TMEM98: variants seen among roughly 807,000 people sequenced by gnomAD.
TMEM98 encodes the protein transmembrane protein 98.
Under a neutral mutation model 25.0 loss-of-function variants are expected in TMEM98, and 18 were observed. The ratio of observed to expected loss-of-function variants is 0.72; its 90% confidence interval spans 0.50 to 1.07. TMEM98 has a LOEUF of 1.07. Among genes scored for constraint, TMEM98 ranks in the 50% least tolerant of loss-of-function variants. The pLI, the probability that TMEM98 is intolerant of heterozygous loss-of-function variation, is 0.00. For synonymous variants in TMEM98, 103 were observed against 112.4 expected (o/e 0.92, Z 0.53); for missense variants, 241 against 289.0 (o/e 0.83, Z 1.20).
chr17:32,934,147 A>C, intron 4 of TMEM98, 144 bp from the exon 5 acceptor site: 1 of 826,802 alleles, frequency 1.2e-6, no homozygotes, highest in Non-Finnish European at 2.0e-6. Flanking sequence ...GGGCTGGTTC[A>C]TGTTGACACT....
chr17:32,944,079 A>G lies in TMEM98; in HGVS notation c.*3086A>G, dbSNP rs1447371171. ...AATTCCCCCAGCTTGTGAGATCTCC[A>G]AGAGGGAACACGTATTCCTGGCATC... On this transcript the variant is annotated 3_prime_UTR_variant, in exon 8 of 8. Transcript: ENST00000579849. The G allele has an allele frequency of 2.0e-5, 3 of 152,294 alleles. No individual in the cohort carries two copies. Among genetic ancestry groups the G allele is most frequent in the East Asian group, 3.8e-4 (2 of 5,198 alleles). The allele number at this position is 152,294 out of a possible 1,614,324, so 9.4% of individuals were successfully genotyped here.
intron 6 of TMEM98, among the ~76,000 whole-genome samples, chr17:32,937,226 A>G (rs1007273791): frequency 1.1e-4 from 17 of 152,090 alleles, no homozygotes; most frequent in Middle Eastern, 3.4e-3. Flanking sequence ...TGCTGAAACA[A>G]TGGCACTGCT....
At chr17:32,933,372 C>T in intron 4 of TMEM98, 67 bp downstream of exon 4, 1 of 1,601,230 alleles carries the variant, frequency 6.2e-7, no homozygotes, top group Admixed American at 1.7e-5. Flanking sequence ...GTGTCCTTTG[C>T]CAGAGCACTT....
Position 32,931,622 on chromosome 17 carries a change from T to TGCCGGCCGCGAGACC in TMEM98, c.95_109dup (p.Asp36_Leu37insArgArgProArgAsp), listed in dbSNP as rs2091469955. 1.9e-6 allele frequency: 3 copies of TGCCGGCCGCGAGACC among 1,604,846 alleles called. No individual in the cohort carries two copies. The East Asian group carries it at 6.7e-5, about 36-fold the overall frequency. ...GGTGCTGGTTTGCAGGCAGCGCTAC[T>TGCCGGCCGCGAGACC]GCCGGCCGCGAGACCTGCTGCAGCG... On this transcript the variant is annotated inframe_insertion, in exon 3 of 8. Coordinates refer to ENST00000579849, the MANE Select transcript of TMEM98 (RefSeq NM_015544.3).
At position 32,939,671 on chromosome 17, in the gene TMEM98, C is replaced by G. The variant is rs1052486480; in HGVS notation, c.473+135C>G. 3.9e-6 allele frequency: 4 copies of G among 1,033,022 alleles called. No individual in the cohort carries two copies. In the African/African-American group the frequency reaches 4.8e-5, roughly 12 times the overall value. 64.0% of individuals were successfully genotyped at this position (1,033,022 alleles called of 1,614,324 possible). A position where few individuals can be genotyped will look rare whatever the true frequency, so the allele number is the denominator to read the frequency against. On this transcript the variant is annotated intron_variant, in intron 7 of 7. Transcript: ENST00000579849. ...GCCTCCTTAGGCTGCCCGGGCCATG[C>G]GTGCCATTTACTTCAGTGAGCGGCG...
At position 32,934,286 on chromosome 17, in the gene TMEM98, C is replaced by G. The variant is rs376636066; in HGVS notation, c.264-5C>G. ...AGCACTGATGACTTCTTCTTGTTTC[C>G]CCAGGGGTCTCATGTCCCACTGCAT... On this transcript the variant is annotated splice_region_variant and splice_polypyrimidine_tract_variant and intron_variant, in intron 4 of 7. Transcript: ENST00000579849. The G allele has an allele frequency of 5.0e-6, 8 of 1,613,966 alleles. No individual in the cohort carries two copies. The African/African-American group carries it at 9.3e-5, about 19-fold the overall frequency.
chr17:32,933,401 G>A (rs1399572943), intron 4 of TMEM98, 96 bp downstream of exon 4: 1 of 1,529,998 alleles, frequency 6.5e-7, no homozygotes, highest in Non-Finnish European at 8.9e-7. Context: ...TTCAAGAACA[G>A]TCACTCTGTT....
chr17:32,938,811 C>T (rs2091511563), intron 6 of TMEM98, among the ~76,000 whole-genome samples: 1 of 152,192 alleles, frequency 6.6e-6, no homozygotes, highest in African/African-American at 2.4e-5. Flanking sequence ...CTTCCCAACC[C>T]CACATTTCAG....
intron 7 of TMEM98, among the ~76,000 whole-genome samples, chr17:32,940,188 A>T (rs2091521166): frequency 6.6e-6 from 1 of 152,240 alleles, no homozygotes; most frequent in Non-Finnish European, 1.5e-5. Context: ...CCGTGGGTTA[A>T]TAATCTGTAA....
intron 7 of TMEM98, among the ~76,000 whole-genome samples, chr17:32,940,329 C>T (rs907441694): frequency 6.6e-6 from 1 of 152,106 alleles, no homozygotes; most frequent in South Asian, 2.1e-4. Context: ...TAAACCAGCC[C>T]TGGGCCTTAC....
intron 1 of TMEM98, among the ~76,000 whole-genome samples, chr17:32,928,759 C>G (rs553105541): frequency 3.3e-5 from 5 of 150,118 alleles, no homozygotes; most frequent in Non-Finnish European, 7.4e-5. Context: ...GTCACACACA[C>G]AAGCACACTA....
intron 5 of TMEM98, 69 bp from the exon 6 acceptor site, chr17:32,936,263 C>T (rs2091495565): frequency 3.9e-6 from 5 of 1,282,158 alleles, no homozygotes; most frequent in South Asian, 2.6e-5. Context: ...GCTGATTTGT[C>T]TCGTGGGGGT....
intron 6 of TMEM98, 89 bp from the exon 7 acceptor site, chr17:32,939,388 C>T (rs2091515548): frequency 7.1e-7 from 1 of 1,405,122 alleles, no homozygotes; most frequent in Non-Finnish European, 9.9e-7. Flanking sequence ...GCCTGGGTGA[C>T]AGAGCGAGAC....
At chr17:32,938,664 AT>A (rs935768470) in intron 6 of TMEM98, among the ~76,000 whole-genome samples, 3 of 151,316 alleles carry the variant, frequency 2.0e-5, no homozygotes, top group Admixed American at 1.3e-4. Context: ...TTAGCTTTGT[AT>A]TTTTTTTTCC....
chr17:32,931,639 G>T lies in TMEM98; in HGVS notation c.111G>T (p.Leu37=). 6.2e-7 allele frequency: 1 copy of T among 1,605,492 alleles called. No individual in the cohort carries two copies. ...CRQRYCRPRD[L]LQRYDSKPIV... ...AGCGCTACTGCCGGCCGCGAGACCTGCTGCAGCGCTATGATTCTAAGTGAG... is the reference window on the plus strand; with the variant it reads ...AGCGCTACTGCCGGCCGCGAGACCTTCTGCAGCGCTATGATTCTAAGTGAG... Residue 37 remains leucine, a synonymous_variant, in exon 3 of 8, where the codon CTG becomes CTT. Coordinates refer to ENST00000579849, the MANE Select transcript of TMEM98 (RefSeq NM_015544.3).
At chr17:32,936,541 A>G in intron 6 of TMEM98, 94 bp downstream of exon 6, 3 of 1,055,864 alleles carry the variant, frequency 2.8e-6, no homozygotes, top group Non-Finnish European at 4.2e-6. Context: ...CTTCTATAAA[A>G]TGGTGCACAG....
At position 32,941,216 on chromosome 17, in the gene TMEM98, C is replaced by A. The variant is rs1445805855; in HGVS notation, c.*223C>A. 2 of 454,044 alleles carry A rather than the reference C, an allele frequency of 4.4e-6. No individual in the cohort carries two copies. The highest frequency in any genetic ancestry group is 3.6e-5 in the South Asian group (1 of 27,616). The allele number at this position is 454,044 out of a possible 1,614,324, so 28.1% of individuals were successfully genotyped here. A position where few individuals can be genotyped will look rare whatever the true frequency, so the allele number is the denominator to read the frequency against. On this transcript the variant is annotated 3_prime_UTR_variant, in exon 8 of 8. Transcript: ENST00000579849. The stretch of plus-strand genomic sequence containing the variant: ...CTAATACTACAGTTAGGGGAGATGC[C>A]ATTCACTCTCTGCAAGAGGAGTATT...
intron 7 of TMEM98, 21 bp from the exon 8 acceptor site, chr17:32,940,765 C>T (rs2091525212): frequency 6.2e-7 from 1 of 1,604,968 alleles, no homozygotes; most frequent in Non-Finnish European, 8.5e-7. Flanking sequence ...AAACCTGACC[C>T]TATTTTCTTT....
At position 32,940,831 on chromosome 17, in the gene TMEM98, A is replaced by G. The variant is rs772547853; in HGVS notation, c.519A>G (p.Thr173=). 1 of 1,614,208 alleles carries G rather than the reference A, an allele frequency of 6.2e-7. No homozygotes were observed. ...LLSVSHLVLV[T]RNACHLTGGL... The stretch of plus-strand genomic sequence containing the variant: ...CTGTCAGTCACCTGGTGCTGGTGAC[A>G]AGGAATGCCTGCCATCTGACGGGAG... Residue 173 remains threonine, a synonymous_variant, in exon 8 of 8, where the codon ACA becomes ACG. Coordinates refer to ENST00000579849, the MANE Select transcript of TMEM98 (RefSeq NM_015544.3).
Sources: gnomAD v4.1 joint callset for allele counts (sites outside exome capture counted in the v4.1 genomes callset) on GRCh38, gnomAD v4.1.1 for gene constraint, MANE v1.5 for transcripts, NCBI Gene and HGNC (gene_info 2026-07-23, HGNC 2026-07-21) for gene names.